MDGA2: variants seen among roughly 807,000 people sequenced by gnomAD.
MDGA2 encodes the protein MAM domain-containing glycosylphosphatidylinositol anchor protein 2.
In MDGA2, 40 loss-of-function variants were observed where a neutral mutation model predicts 117.8. The observed-to-expected ratio is 0.34, with a 90% confidence interval of 0.26 to 0.44. The LOEUF is 0.44. Among genes scored for constraint, MDGA2 ranks in the 20% least tolerant of loss-of-function variants. The pLI is 1.00. For missense variants in MDGA2, 1,123 were observed against 1,250.6 expected, an observed-to-expected ratio of 0.90 and a Z score of 1.54; for synonymous variants, 452 against 439.0, an observed-to-expected ratio of 1.03 and a Z score of -0.37.
intron 1 of MDGA2, among the ~76,000 whole-genome samples, chr14:47,504,615 G>A (rs1049033909): frequency 1.3e-5 from 2 of 151,956 alleles, no homozygotes; most frequent in Admixed American, 6.6e-5. Flanking sequence ...GATCCTGAGG[G>A]AAATGCAAAT....
At chr14:47,503,403 T>C (rs1894440627) in intron 1 of MDGA2, among the ~76,000 whole-genome samples, 1 of 150,194 alleles carries the variant, frequency 6.7e-6, no homozygotes, top group Admixed American at 6.6e-5. Flanking sequence ...ACTCTCTCAC[T>C]ACATTATCCT....
intron 1 of MDGA2, among the ~76,000 whole-genome samples, chr14:47,542,556 A>G (rs1399535025): frequency 1.3e-5 from 2 of 152,096 alleles, no homozygotes; most frequent in African/African-American, 4.8e-5. Context: ...TGATATTTAT[A>G]CTCTTACTGG....
chr14:47,675,152 C>T lies in MDGA2; in HGVS notation c.-356G>A, dbSNP rs1170720882. Among the ~76,000 whole-genome samples the T allele has an allele frequency of 6.6e-6, 1 of 152,036 alleles. No homozygotes were observed. ...GCCTGGATTCGCCTTTACAAAGTAA[C>T]TCGCGAAGGTCCCCGGAGGGGCGTC... On this transcript the variant is annotated 5_prime_UTR_variant, in exon 1 of 17. Coordinates refer to ENST00000399232, the MANE Select transcript of MDGA2 (RefSeq NM_001113498.3).
At chr14:47,335,366 A>C (rs906731569) in intron 1 of MDGA2, among the ~76,000 whole-genome samples, 1 of 151,532 alleles carries the variant, frequency 6.6e-6, no homozygotes, top group Non-Finnish European at 1.5e-5. Flanking sequence ...CTTTCCTGAA[A>C]AGAAGACATT....
intron 6 of MDGA2, among the ~76,000 whole-genome samples, chr14:47,093,386 G>T (rs1879781911): frequency 1.3e-5 from 2 of 152,064 alleles, no homozygotes; most frequent in African/African-American, 2.4e-5. Context: ...ATTCATGAGA[G>T]AAGAGAGATG....
At chr14:47,264,926 C>T (rs941740208) in intron 2 of MDGA2, among the ~76,000 whole-genome samples, 1 of 152,092 alleles carries the variant, frequency 6.6e-6, no homozygotes, top group South Asian at 2.1e-4. Context: ...CATTGTTCAA[C>T]TCCCACTTAT....
intron 10 of MDGA2, among the ~76,000 whole-genome samples, chr14:46,914,140 G>A (rs971463820): frequency 5.9e-5 from 9 of 151,974 alleles, no homozygotes; most frequent in Non-Finnish European, 8.8e-5. Context: ...TGATGTTTAC[G>A]TTGCTTGGTA....
intron 1 of MDGA2, among the ~76,000 whole-genome samples, chr14:47,320,263 T>TCTTA (rs1438014609): frequency 6.6e-6 from 1 of 152,088 alleles, no homozygotes; most frequent in Non-Finnish European, 1.5e-5. Context: ...ATGCCTGTAA[T>TCTTA]CTTAACCCAT....
chr14:47,049,788 C>T (rs1331737239), intron 7 of MDGA2, among the ~76,000 whole-genome samples: 1 of 151,920 alleles, frequency 6.6e-6, no homozygotes. Flanking sequence ...TATTTTTGGT[C>T]TAGTCATTAT....
At chr14:47,450,032 T>C (rs1007100822) in intron 1 of MDGA2, among the ~76,000 whole-genome samples, 1 of 152,164 alleles carries the variant, frequency 6.6e-6, no homozygotes, top group African/African-American at 2.4e-5. Context: ...ACATTTATTG[T>C]GCACGATGTT....
In MDGA2 at chr14:47,536,717, CTA is replaced by C. The variant is rs375492355; in HGVS notation, c.280+137798_280+137799del. On this transcript the variant is annotated intron_variant, in intron 1 of 16. Coordinates refer to ENST00000399232, the MANE Select transcript of MDGA2 (RefSeq NM_001113498.3). ...TGAGATGGAGTCTCGCTCTATTGCA[CTA>C]CTACTAACTTCTATGAATAGTAAAA... is the stretch of plus-strand genomic sequence containing the variant. Among the ~76,000 whole-genome samples the C allele has an allele frequency of 1.2e-4, 18 of 152,340 alleles. No individual in the cohort carries two copies. The East Asian group carries it at 3.3e-3, about 28-fold the overall frequency.
intron 1 of MDGA2, among the ~76,000 whole-genome samples, chr14:47,519,453 A>C (rs1894823308): frequency 6.6e-6 from 1 of 152,286 alleles, no homozygotes; most frequent in African/African-American, 2.4e-5. Flanking sequence ...ATATGACTCA[A>C]AAATACAACT....
intron 1 of MDGA2, among the ~76,000 whole-genome samples, chr14:47,371,486 T>C (rs558434676): frequency 6.6e-6 from 1 of 151,846 alleles, no homozygotes; most frequent in Non-Finnish European, 1.5e-5. Flanking sequence ...ATAATTAATC[T>C]CCTTACCCCA....
At chr14:47,579,401 A>G (rs545047022) in intron 1 of MDGA2, among the ~76,000 whole-genome samples, 27 of 152,064 alleles carry the variant, frequency 1.8e-4, no homozygotes, top group Non-Finnish European at 2.8e-4. Flanking sequence ...CAACATAATC[A>G]AAGTCTATAG....
chr14:47,392,151 G>C (rs1891910777), intron 1 of MDGA2, among the ~76,000 whole-genome samples: 1 of 152,096 alleles, frequency 6.6e-6, no homozygotes, highest in Non-Finnish European at 1.5e-5. Flanking sequence ...AGTGAATAAT[G>C]AATGTACAAG....
At chr14:47,284,313 T>C (rs1888598991) in intron 2 of MDGA2, among the ~76,000 whole-genome samples, 1 of 152,168 alleles carries the variant, frequency 6.6e-6, no homozygotes, top group South Asian at 2.1e-4. Context: ...TGACTGAATG[T>C]ATTAATATTA....
chr14:47,219,514 A>G (rs560839785), intron 2 of MDGA2, among the ~76,000 whole-genome samples: 2 of 152,196 alleles, frequency 1.3e-5, no homozygotes, highest in East Asian at 3.9e-4. Context: ...ACCCATAAGA[A>G]GAAAAGGAGA....
At chr14:47,126,516 T>C (rs961368770) in intron 5 of MDGA2, among the ~76,000 whole-genome samples, 1 of 152,084 alleles carries the variant, frequency 6.6e-6, no homozygotes, top group Non-Finnish European at 1.5e-5. Flanking sequence ...CTGGCTGATA[T>C]ACAATTATGA....
In MDGA2 at chr14:46,855,284, T is replaced by A; in HGVS notation, c.2753-130A>T. Reference sequence around the variant, plus strand: ...CACTCTAGTGTCTTGTCCTCTCTTCTCCTCTCATTTCCTATCTTGCTCTTA... The same window carrying A: ...CACTCTAGTGTCTTGTCCTCTCTTCACCTCTCATTTCCTATCTTGCTCTTA... On this transcript the variant is annotated intron_variant, in intron 14 of 16. Coordinates refer to ENST00000399232, the MANE Select transcript of MDGA2 (RefSeq NM_001113498.3). This position sits in a 1 kb window ranked among gnomAD's most constrained non-coding sequence, Gnocchi z 4.1. 1.6e-6 allele frequency: 1 copy of A among 615,320 alleles called. No homozygotes were observed. Among genetic ancestry groups the A allele is most frequent in the Non-Finnish European group, 2.7e-6 (1 of 373,698 alleles). The allele number at this position is 615,320 out of a possible 1,614,324, so 38.1% of individuals were successfully genotyped here.
Sources: gnomAD v4.1 joint callset for allele counts (sites outside exome capture counted in the v4.1 genomes callset) on GRCh38, gnomAD v4.1.1 for gene constraint, Gnocchi (gnomAD v3.1) non-coding constraint, MANE v1.5 for transcripts, NCBI Gene and HGNC (gene_info 2026-07-23, HGNC 2026-07-21) for gene names.